Variants in XPO5 observed in about 807,000 individuals in gnomAD.
The protein encoded by XPO5 is exportin-5.
A neutral mutation model predicts 160.6 loss-of-function variants in XPO5; 46 were observed. The ratio of observed to expected loss-of-function variants is 0.29; its 90% confidence interval spans 0.23 to 0.37. The LOEUF (loss-of-function observed/expected upper bound fraction) is 0.37, where lower values mean the gene tolerates loss of function less well. Among genes scored for constraint, XPO5 ranks in the 10% least tolerant of loss-of-function variants. The pLI is 1.00. For synonymous variants in XPO5, 537 were observed against 519.3 expected, an observed-to-expected ratio of 1.03 and a Z score of -0.46; for missense variants, 1,090 against 1,463.9, an observed-to-expected ratio of 0.74 and a Z score of 4.17.
chr6:43,534,789 G>A (rs550953590), intron 20 of XPO5, among the ~76,000 whole-genome samples: 4 of 152,186 alleles, frequency 2.6e-5, no homozygotes, highest in Non-Finnish European at 5.9e-5. Context: ...CCTGAGGTCA[G>A]GAGTTCAAGA....
At chr6:43,545,316 G>A (rs1794909116) in intron 20 of XPO5, among the ~76,000 whole-genome samples, 1 of 152,162 alleles carries the variant, frequency 6.6e-6, no homozygotes, top group Non-Finnish European at 1.5e-5. Context: ...GTTTCACTGC[G>A]ACATGAATAA....
chr6:43,566,804 T>C (rs925698975), intron 7 of XPO5, among the ~76,000 whole-genome samples: 3 of 141,610 alleles, frequency 2.1e-5, no homozygotes, highest in Non-Finnish European at 4.5e-5. Context: ...AGCAAGACTG[T>C]TTCAATTAAA....
chr6:43,548,173 C>T (rs780144188), intron 18 of XPO5, 88 bp downstream of exon 18: 266 of 1,347,154 alleles, frequency 2.0e-4, no homozygotes, highest in Non-Finnish European at 2.6e-4. Flanking sequence ...CTTCAATATC[C>T]TTAACCCCTA....
At chr6:43,568,855 T>C in intron 5 of XPO5, 118 bp from the exon 6 acceptor site, 2 of 889,064 alleles carry the variant, frequency 2.2e-6, no homozygotes, top group South Asian at 4.6e-5. Flanking sequence ...CAATTTTTCA[T>C]CTTGGAAAAT....
In XPO5 at chr6:43,526,763, AG is replaced by A; in HGVS notation, c.2921-17del. 1 of 1,612,604 alleles carries A rather than the reference AG, an allele frequency of 6.2e-7. No homozygotes were observed. The highest frequency in any genetic ancestry group is 1.1e-5 in the South Asian group (1 of 90,640). On this transcript the variant is annotated splice_polypyrimidine_tract_variant and intron_variant, in intron 26 of 31. Transcript: ENST00000265351. ...CAGCAAACCGCTAAAGCAAGAAAGCAGGGTTACTAGGTGAAGGGTGGGTATA... is the reference window on the plus strand; with the variant it reads ...CAGCAAACCGCTAAAGCAAGAAAGCAGGTTACTAGGTGAAGGGTGGGTATA...
chr6:43,548,344 A>C lies in XPO5; in HGVS notation c.1977T>G (p.Phe659Leu). The C allele has an allele frequency of 1.2e-6, 2 of 1,613,726 alleles. No individual in the cohort carries two copies. The highest frequency in any genetic ancestry group is 2.7e-5 in the African/African-American group (2 of 75,038). ...ACACCTTCTGACGCTCGTAGTTCTT[A>C]AATTGGTTGCTAATGAGAACCAGGG... Reference protein sequence around the residue: ...MEALVLISNQFKNYERQKVFL... With the variant: ...MEALVLISNQLKNYERQKVFL... Residue 659 changes from phenylalanine (F) to leucine (L), a missense_variant, in exon 18 of 32, where the codon TTT (phenylalanine) becomes TTG (leucine). By Grantham distance (22) the Phe-to-Leu change is conservative. This residue lies in a region of XPO5 where 810 missense variants were observed against 1,139.0 expected (regional missense o/e 0.71). Transcript: ENST00000265351.
chr6:43,554,564 A>G (rs551328857), intron 13 of XPO5, among the ~76,000 whole-genome samples: 80 of 151,730 alleles, frequency 5.3e-4, no homozygotes, highest in African/African-American at 1.7e-3. Flanking sequence ...AGCTAGGATT[A>G]AAGGGGCCCA....
chr6:43,562,406 C>A, intron 8 of XPO5, 60 bp from the exon 9 acceptor site: 1 of 1,208,616 alleles, frequency 8.3e-7, no homozygotes, highest in Non-Finnish European at 1.2e-6. Context: ...ATAAAAACAT[C>A]ACTTTGTGTC....
Position 43,561,026 on chromosome 6 carries a change from A to AT in XPO5, c.1012-20dup. The AT allele has an allele frequency of 6.3e-7, 1 of 1,592,112 alleles. No homozygotes were observed. The highest frequency in any genetic ancestry group is 8.6e-7 in the Non-Finnish European group (1 of 1,160,322). On this transcript the variant is annotated intron_variant, in intron 9 of 31. Coordinates refer to ENST00000265351, the MANE Select transcript of XPO5 (RefSeq NM_020750.3). ...CTGCACCCTGTAGGAGAAGACCACTATATTAACGGTGTTGATCGAGAAAAG... is the reference window on the plus strand; with the variant it reads ...CTGCACCCTGTAGGAGAAGACCACTATTATTAACGGTGTTGATCGAGAAAAG...
intron 27 of XPO5, 168 bp from the exon 28 acceptor site, chr6:43,526,089 T>C (rs1793569193): frequency 1.6e-6 from 1 of 642,876 alleles, no homozygotes; most frequent in South Asian, 2.0e-5. Flanking sequence ...TGCCCATGGC[T>C]GATCTTCTAG....
In XPO5 at chr6:43,551,314, G is replaced by T. The variant is rs1303635013; in HGVS notation, c.1712C>A (p.Pro571His). 2 of 1,612,866 alleles carry T rather than the reference G, an allele frequency of 1.2e-6. No homozygotes were observed. The highest frequency in any genetic ancestry group is 1.7e-6 in the Non-Finnish European group (2 of 1,179,392). The change falls in exon 15 of 32, where the codon CCC becomes CAC. Residue 571 changes from proline (P) to histidine (H), a missense_variant. This residue lies in a region of XPO5 where 810 missense variants were observed against 1,139.0 expected (regional missense o/e 0.71). Transcript: ENST00000265351. Reference sequence around the variant, plus strand: ...GCTTTATACCTTAGAGAAGACCTGGGGCAGGAACTCTGGTCTGTAGGTGAC... The same window carrying T: ...GCTTTATACCTTAGAGAAGACCTGGTGCAGGAACTCTGGTCTGTAGGTGAC... Reference protein sequence around the residue: ...PFVTYRPEFLPQVFSKLFSSV... With the variant: ...PFVTYRPEFLHQVFSKLFSSV...
intron 28 of XPO5, 80 bp from the exon 29 acceptor site, chr6:43,525,294 A>T: frequency 4.5e-6 from 6 of 1,322,486 alleles, no homozygotes; most frequent in Non-Finnish European, 6.2e-6. Flanking sequence ...CAGGAGCCGG[A>T]GGGTTTTTTT....
At chr6:43,539,408 C>A (rs1429736591) in intron 20 of XPO5, 5 of 1,574,416 alleles carry the variant, frequency 3.2e-6, no homozygotes, top group Non-Finnish European at 4.3e-6. Flanking sequence ...GAGAGAGGCC[C>A]CCAGGAAAAA....
chr6:43,570,796 A>G (rs759042226), intron 4 of XPO5, 61 bp downstream of exon 4: 8 of 1,548,686 alleles, frequency 5.2e-6, no homozygotes, highest in Non-Finnish European at 6.9e-6. Context: ...AAATCAAACA[A>G]CAAACCCTGA....
rs1162931589 is a variant in XPO5, at chr6:43,522,867, CCT to C, written c.*999_*1000del. The C allele has an allele frequency of 8.8e-6, 2 of 227,366 alleles. No individual in the cohort carries two copies. Among genetic ancestry groups the C allele is most frequent in the Non-Finnish European group, 2.0e-5 (2 of 97,652 alleles). The allele number at this position is 227,366 out of a possible 1,614,324, so 14.1% of individuals were successfully genotyped here. ...CTCTCTTTACAGGGCCTTTCAGTGACCTCTAGAATGGACTCACAGTACAGGTT... is the reference window on the plus strand; with the variant it reads ...CTCTCTTTACAGGGCCTTTCAGTGACCTAGAATGGACTCACAGTACAGGTT... On this transcript the variant is annotated 3_prime_UTR_variant, in exon 32 of 32. Coordinates refer to ENST00000265351, the MANE Select transcript of XPO5 (RefSeq NM_020750.3).
At chr6:43,542,005 C>G (rs1468168166) in intron 20 of XPO5, among the ~76,000 whole-genome samples, 1 of 152,064 alleles carries the variant, frequency 6.6e-6, no homozygotes, top group African/African-American at 2.4e-5. Context: ...GTCTTGAACT[C>G]TTGACCTCAA....
intron 20 of XPO5, among the ~76,000 whole-genome samples, chr6:43,545,349 G>A (rs1794911163): frequency 6.6e-6 from 1 of 152,166 alleles, no homozygotes; most frequent in South Asian, 2.1e-4. Context: ...CGTTGAGACT[G>A]CTTTTACTCC....
chr6:43,557,350 C>T (rs1762151504), intron 12 of XPO5, among the ~76,000 whole-genome samples: 2 of 141,566 alleles, frequency 1.4e-5, no homozygotes, highest in South Asian at 2.3e-4. Flanking sequence ...CGCTTGAATC[C>T]GGGAGGCAGA....
At chr6:43,534,113 T>C (rs1029210378) in intron 20 of XPO5, 106 bp from the exon 21 acceptor site, 1 of 781,170 alleles carries the variant, frequency 1.3e-6, no homozygotes, top group Non-Finnish European at 2.0e-6. Flanking sequence ...GATCTGCCCA[T>C]CAACTCCTGG....
Sources: allele counts gnomAD v4.1 joint callset (sites outside exome capture counted in the v4.1 genomes callset), GRCh38; gene constraint gnomAD v4.1.1; regional missense constraint gnomAD v4.1.1; transcripts MANE v1.5; gene names NCBI Gene and HGNC (gene_info 2026-07-23, HGNC 2026-07-21).